The following CNTN1 variants were observed in gnomAD, a reference collection of about 807,000 sequenced individuals.
CNTN1 encodes the protein contactin 1.
A neutral mutation model predicts 126.4 loss-of-function variants in CNTN1; 38 were observed. The ratio of observed to expected loss-of-function variants is 0.30; its 90% CI spans 0.23 to 0.39. CNTN1 has a LOEUF of 0.39. Ranked by LOEUF, CNTN1 falls within the 10% of genes least tolerant of loss-of-function variation. The pLI is 1.00. For synonymous variants in CNTN1, 413 were observed against 422.6 expected, an observed-to-expected ratio of 0.98 and a Z score of 0.28; for missense variants, 1,009 against 1,248.4, an observed-to-expected ratio of 0.81 and a Z score of 2.89.
chr12:40,912,365 T>C (rs1468328798), intron 3 of CNTN1, among the ~76,000 whole-genome samples: 1 of 151,066 alleles, frequency 6.6e-6, no homozygotes. Flanking sequence ...AGATGCTTTT[T>C]TCCACTTGTA....
At chr12:40,722,657 TTATA>T (rs1942247840) in intron 1 of CNTN1, among the ~76,000 whole-genome samples, 1 of 152,116 alleles carries the variant, frequency 6.6e-6, no homozygotes, top group South Asian at 2.1e-4. Flanking sequence ...TTTATATATA[TTATA>T]TATAGTATGG....
chr12:41,068,585 T>C (rs1237981262), intron 23 of CNTN1, among the ~76,000 whole-genome samples: 1 of 152,204 alleles, frequency 6.6e-6, no homozygotes. Context: ...TTCCACCTTA[T>C]AGGGAACATG....
At chr12:40,845,388 A>G (rs1942460893) in intron 1 of CNTN1, among the ~76,000 whole-genome samples, 1 of 152,224 alleles carries the variant, frequency 6.6e-6, no homozygotes, top group Non-Finnish European at 1.5e-5. Flanking sequence ...AAGAATGAAC[A>G]CAGGTTAATT....
At chr12:40,942,119 C>T (rs1357373561) in intron 12 of CNTN1, among the ~76,000 whole-genome samples, 1 of 151,976 alleles carries the variant, frequency 6.6e-6, no homozygotes, top group Non-Finnish European at 1.5e-5. Context: ...TTTTGTTGTG[C>T]TTCTTGAAAA....
chr12:41,004,407 T>A (rs932695439), intron 17 of CNTN1, among the ~76,000 whole-genome samples: 1 of 152,222 alleles, frequency 6.6e-6, no homozygotes, highest in African/African-American at 2.4e-5. Context: ...GAGAAGAATA[T>A]ATATTCTGTT....
chr12:40,714,570 A>C (rs1209821086), intron 1 of CNTN1, among the ~76,000 whole-genome samples: 2 of 152,134 alleles, frequency 1.3e-5, no homozygotes, highest in Non-Finnish European at 2.9e-5. Flanking sequence ...GACATGTTGA[A>C]TCAGCTTTCC....
At chr12:40,711,531 G>A (rs369352432) in intron 1 of CNTN1, among the ~76,000 whole-genome samples, 58 of 152,104 alleles carry the variant, frequency 3.8e-4, no homozygotes, top group African/African-American at 1.4e-3. Context: ...ATTTATGCTT[G>A]GCTAACTCTC....
chr12:40,988,263 CT>C (rs1462065443), intron 16 of CNTN1, among the ~76,000 whole-genome samples: 1 of 152,096 alleles, frequency 6.6e-6, no homozygotes, highest in African/African-American at 2.4e-5. Context: ...TATTTAGAAT[CT>C]CTGAGTGAGT....
At chr12:41,059,545 G>C (rs1030167218) in intron 23 of CNTN1, among the ~76,000 whole-genome samples, 4 of 152,120 alleles carry the variant, frequency 2.6e-5, no homozygotes, top group East Asian at 1.9e-4. Context: ...CTTAGATTCT[G>C]GTTTATGTTC....
In CNTN1 at chr12:40,936,764, T is replaced by G. The variant is rs201409026; in HGVS notation, c.986-17T>G. On this transcript the variant is annotated splice_polypyrimidine_tract_variant and intron_variant, in intron 9 of 23. Transcript: ENST00000551295. ...TGAGCCCTTCATTTAACATTTACAA[T>G]GTTCCTTACTTTTTAGCATTCCCTG... is the stretch of plus-strand genomic sequence containing the variant. The G allele has an allele frequency of 5.0e-6, 8 of 1,612,474 alleles. No homozygotes were observed. Among genetic ancestry groups the G allele is most frequent in the Non-Finnish European group, 6.8e-6 (8 of 1,178,836 alleles).
In CNTN1 at chr12:40,836,765, G is replaced by C. The variant is rs779281479; in HGVS notation, c.-76-71592G>C. Among the ~76,000 whole-genome samples the C allele has an allele frequency of 2.0e-5, 3 of 152,126 alleles. No individual in the cohort carries two copies. The South Asian group carries it at 6.2e-4, about 31-fold the overall frequency. On this transcript the variant is annotated intron_variant, in intron 1 of 23. Coordinates refer to ENST00000551295, the MANE Select transcript of CNTN1 (RefSeq NM_001843.4). ...AACTTCAGATGTTCAGACTAAAAAA[G>C]ATACATGTATTTAATGAACACAATT...
intron 16 of CNTN1, among the ~76,000 whole-genome samples, chr12:40,986,010 A>T (rs1038906290): frequency 6.6e-6 from 1 of 151,964 alleles, no homozygotes; most frequent in Admixed American, 6.6e-5. Flanking sequence ...AATACTTTTG[A>T]CCTTCTGCTT....
chr12:41,029,301 C>A, intron 23 of CNTN1, 82 bp downstream of exon 23: 1 of 1,436,594 alleles, frequency 7.0e-7, no homozygotes, highest in Non-Finnish European at 9.8e-7. Context: ...TAGGGATAAG[C>A]CTGATACACC....
chr12:40,867,945 C>G lies in CNTN1; in HGVS notation c.-76-40412C>G, dbSNP rs574252647. 2.4e-3 allele frequency among the ~76,000 whole-genome samples: 361 copies of G among 150,952 alleles called. 2 individuals carry two copies. The highest frequency in any genetic ancestry group is 8.1e-3 in the African/African-American group (332 of 41,158). ...CTTTGGTGGTACTTTTATATTTGTG[C>G]TACTGTGGTTAGAAACACCACTGGA... On this transcript the variant is annotated intron_variant, in intron 1 of 23. Coordinates refer to ENST00000551295, the MANE Select transcript of CNTN1 (RefSeq NM_001843.4).
intron 1 of CNTN1, among the ~76,000 whole-genome samples, chr12:40,806,316 A>G (rs1018382928): frequency 6.6e-6 from 1 of 152,084 alleles, no homozygotes; most frequent in Non-Finnish European, 1.5e-5. Context: ...GCTATTTGGT[A>G]TTGCTATAGA....
intron 1 of CNTN1, among the ~76,000 whole-genome samples, chr12:40,760,835 G>GCA (rs1165228762): frequency 0.27 from 40,868 of 150,376 alleles, 5,795 homozygotes; most frequent in African/African-American, 0.35. Flanking sequence ...TCAAAATAAT[G>GCA]CACACACACA....
intron 15 of CNTN1, among the ~76,000 whole-genome samples, chr12:40,970,093 G>A (rs998717767): frequency 6.6e-6 from 1 of 151,890 alleles, no homozygotes; most frequent in South Asian, 2.1e-4. Flanking sequence ...GTCAGATCCC[G>A]CTGATGTGTA....
In CNTN1 at chr12:40,830,958, TATATAC is replaced by T. The variant is rs1451456060; in HGVS notation, c.-76-77397_-76-77392del. On this transcript the variant is annotated intron_variant, in intron 1 of 23. Transcript: ENST00000551295. Reference sequence around the variant, plus strand: ...ATACATATATATATATATATATATATATATACACACACACACACACACTATATATGA... The same window carrying T: ...ATACATATATATATATATATATATATACACACACACACACACTATATATGA... Among the ~76,000 whole-genome samples the T allele has an allele frequency of 3.0e-4, 33 of 111,230 alleles. 1 individual carries two copies. The highest frequency in any genetic ancestry group is 9.7e-4 in the African/African-American group (32 of 32,894). The allele number at this position is 111,230 out of a possible 152,430, so 73.0% of individuals were successfully genotyped here.
At chr12:40,889,069 T>A (rs1023944223) in intron 1 of CNTN1, among the ~76,000 whole-genome samples, 3 of 152,246 alleles carry the variant, frequency 2.0e-5, no homozygotes, top group Non-Finnish European at 4.4e-5. Flanking sequence ...AGTTGAACCA[T>A]TTGAAAATTC....
Sources: allele counts gnomAD v4.1 joint callset (sites outside exome capture counted in the v4.1 genomes callset), GRCh38; gene constraint gnomAD v4.1.1; transcripts MANE v1.5; gene names NCBI Gene and HGNC (gene_info 2026-07-23, HGNC 2026-07-21).